Variants in XG observed in about 807,000 individuals in gnomAD.
XG encodes the protein glycoprotein Xg.
A neutral mutation model predicts 25.7 loss-of-function variants in XG; 24 were observed. The observed-to-expected ratio is 0.93, with a 90% CI of 0.68 to 1.31. XG has a LOEUF of 1.31. Among genes scored for constraint, XG ranks in the 40% most tolerant of loss-of-function variants. The pLI is 0.00. For missense variants in XG, 181 were observed against 187.6 expected (o/e 0.96, Z 0.21); for synonymous variants, 77 against 69.2 (o/e 1.11, Z -0.56).
At chrX:2,792,396 G>A (rs1440811110) in intron 5 of XG, among the ~76,000 whole-genome samples, 2 of 110,857 alleles carry the variant, frequency 1.8e-5, no homozygotes, top group Non-Finnish European at 3.8e-5. Context: ...ATGCAGTGGC[G>A]GGATCACAGC....
At chrX:2,758,769 C>T (rs1365492068) in intron 1 of XG, among the ~76,000 whole-genome samples, 3 of 152,214 alleles carry the variant, frequency 2.0e-5, no homozygotes, top group African/African-American at 7.2e-5. Flanking sequence ...GATCCAACCT[C>T]ATATGTCAGT....
intron 3 of XG, among the ~76,000 whole-genome samples, chrX:2,777,787 G>A (rs113094110): frequency 6.6e-6 from 1 of 152,158 alleles, no homozygotes; most frequent in African/African-American, 2.4e-5. Flanking sequence ...TCGGCTGGGC[G>A]CAGTGGCTCA....
chrX:2,766,625 T>G (rs914587570), intron 1 of XG, among the ~76,000 whole-genome samples: 1 of 142,706 alleles, frequency 7.0e-6, no homozygotes, highest in Non-Finnish European at 1.5e-5. Flanking sequence ...AGTGTACTGG[T>G]GTGAACTCGG....
intron 10 of XG, among the ~76,000 whole-genome samples, chrX:2,812,821 G>T (rs1436153640): frequency 5.4e-5 from 6 of 112,001 alleles, no homozygotes; most frequent in African/African-American, 9.7e-5. Flanking sequence ...GTTAACTTCA[G>T]TAGCTTTTGT....
At chrX:2,775,826 C>G (rs1186064415) in intron 3 of XG, among the ~76,000 whole-genome samples, 1 of 151,246 alleles carries the variant, frequency 6.6e-6, no homozygotes, top group Non-Finnish European at 1.5e-5. Flanking sequence ...CATGATGGCA[C>G]ATGTCTGTAA....
chrX:2,765,344 CTG>C (rs2050658228), intron 1 of XG, among the ~76,000 whole-genome samples: 1 of 138,486 alleles, frequency 7.2e-6, no homozygotes, highest in Non-Finnish European at 1.6e-5. Flanking sequence ...TAGTGAGGTT[CTG>C]TATGAGAGAA....
At position 2,772,090 on chromosome X, in the gene XG, G is replaced by T. The variant is rs1341707819; in HGVS notation, c.103+1499G>T. 2.6e-5 allele frequency among the ~76,000 whole-genome samples: 4 copies of T among 152,278 alleles called. No individual in the cohort carries two copies. In the South Asian group the frequency reaches 6.2e-4, roughly 24 times the overall value. ...GCGTTTGGTCTGGATAAAGAATGAG[G>T]CATATCTGCAAGAGAACCCTGTGCA... On this transcript the variant is annotated intron_variant, in intron 2 of 10. Coordinates refer to ENST00000644266, the MANE Select transcript of XG (RefSeq NM_001141919.2).
At chrX:2,769,016 T>C (rs1196762934) in intron 1 of XG, among the ~76,000 whole-genome samples, 1 of 152,182 alleles carries the variant, frequency 6.6e-6, no homozygotes, top group Non-Finnish European at 1.5e-5. Flanking sequence ...GTGTGCACCC[T>C]GGGCTCAGAG....
intron 3 of XG, among the ~76,000 whole-genome samples, chrX:2,777,749 G>A (rs766819099): frequency 3.9e-5 from 6 of 152,262 alleles, no homozygotes; most frequent in African/African-American, 9.6e-5. Context: ...TAAAAAGACG[G>A]AGATGAGATG....
rs745822343 is a variant in XG at position 2,797,373 on chromosome X, CT to C, written c.373+14del. On this transcript the variant is annotated intron_variant, in intron 7 of 10. Coordinates refer to ENST00000644266, the MANE Select transcript of XG (RefSeq NM_001141919.2). ...GACAACACGCACGGTACCCCTACAT[CT>C]GGGCATGCGATGGTGGGTGGAGGGT... is the stretch of plus-strand genomic sequence containing the variant. 7 of 1,197,807 alleles carry C rather than the reference CT, an allele frequency of 5.8e-6. No homozygotes were observed. The highest frequency in any genetic ancestry group is 2.3e-4 in the Middle Eastern group (1 of 4,304).
intron 1 of XG, among the ~76,000 whole-genome samples, chrX:2,754,250 C>T (rs368810015): frequency 2.0e-5 from 3 of 152,044 alleles, no homozygotes; most frequent in Admixed American, 6.6e-5. Flanking sequence ...AGGCATTTGC[C>T]GCTGTGCCTG....
intron 4 of XG, among the ~76,000 whole-genome samples, chrX:2,783,452 C>A (rs771984891): frequency 2.7e-5 from 3 of 112,406 alleles, no homozygotes; most frequent in Non-Finnish European, 3.8e-5. Flanking sequence ...AGCAGTTCAA[C>A]AACCTTAAAA....
At chrX:2,767,516 T>C (rs750781521) in intron 1 of XG, among the ~76,000 whole-genome samples, 45 of 152,136 alleles carry the variant, frequency 3.0e-4, no homozygotes, top group African/African-American at 1.1e-3. Flanking sequence ...AAATCAGAAA[T>C]AGATCTCCTG....
At chrX:2,763,547 A>C (rs1481069979) in intron 1 of XG, among the ~76,000 whole-genome samples, 2 of 152,172 alleles carry the variant, frequency 1.3e-5, no homozygotes, top group African/African-American at 4.8e-5. Context: ...CACAACTAAC[A>C]TTGATTTCTG....
intron 3 of XG, among the ~76,000 whole-genome samples, chrX:2,779,289 T>A (rs2051068280): frequency 6.9e-6 from 1 of 144,034 alleles, no homozygotes; most frequent in Admixed American, 7.1e-5. Context: ...TGAGCCGAGA[T>A]CCTGCCATTG....
intron 1 of XG, among the ~76,000 whole-genome samples, chrX:2,753,290 G>A (rs2050371014): frequency 1.3e-5 from 2 of 152,242 alleles, no homozygotes; most frequent in South Asian, 4.2e-4. Flanking sequence ...CCTAGTAAGT[G>A]GACAATGTGG....
At chrX:2,779,334 A>G (rs1488273267) in intron 3 of XG, among the ~76,000 whole-genome samples, 1 of 140,538 alleles carries the variant, frequency 7.1e-6, no homozygotes, top group Non-Finnish European at 1.5e-5. Context: ...AGAGTATAAA[A>G]AAAAAAAAAA....
chrX:2,804,052 C>T (rs1322066882), intron 7 of XG, among the ~76,000 whole-genome samples: 2 of 111,467 alleles, frequency 1.8e-5, no homozygotes, highest in East Asian at 5.7e-4. Flanking sequence ...CATATTGTTC[C>T]GGCCGGTCTC....
intron 6 of XG, among the ~76,000 whole-genome samples, chrX:2,795,752 G>A (rs1228663799): frequency 1.8e-5 from 2 of 110,447 alleles, no homozygotes; most frequent in African/African-American, 3.3e-5. Context: ...TCTGCCTCCC[G>A]GGTTCAAGTG....
Sources: gnomAD v4.1 joint callset for allele counts (sites outside exome capture counted in the v4.1 genomes callset) on GRCh38, gnomAD v4.1.1 for gene constraint, MANE v1.5 for transcripts, NCBI Gene and HGNC (gene_info 2026-07-23, HGNC 2026-07-21) for gene names.